SLCO1A2: variants seen among roughly 807,000 people sequenced by gnomAD.
SLCO1A2 encodes OATP-1.
Under a neutral mutation model 69.0 loss-of-function variants are expected in SLCO1A2, and 67 were observed. That is an observed-to-expected ratio of 0.97 (90% CI 0.80 to 1.19). The LOEUF is 1.19. Among genes scored for constraint, SLCO1A2 ranks in the 50% most tolerant of loss-of-function variants. The pLI is 0.00. For missense variants in SLCO1A2, 787 were observed against 793.7 expected (o/e 0.99, Z 0.10); for synonymous variants, 260 against 265.9 (o/e 0.98, Z 0.22).
At chr12:21,386,067 T>A (rs575549538) in intron 1 of SLCO1A2, among the ~76,000 whole-genome samples, 4 of 152,312 alleles carry the variant, frequency 2.6e-5, no homozygotes, top group African/African-American at 9.6e-5. Context: ...AACTTTCATA[T>A]TGAAGTAAAA....
chr12:21,401,917 T>C (rs967052743), intron 1 of SLCO1A2, among the ~76,000 whole-genome samples: 10 of 151,496 alleles, frequency 6.6e-5, no homozygotes, highest in African/African-American at 2.2e-4. Context: ...ATAATAAATA[T>C]ATAATAGCTC....
At chr12:21,372,767 T>A (rs1215270738) in intron 2 of SLCO1A2, 2 of 156,064 alleles carry the variant, frequency 1.3e-5, no homozygotes, top group Non-Finnish European at 2.8e-5. Context: ...TAATGACCCA[T>A]CCGCTTCTGC....
At chr12:21,336,024 A>AG (rs1430982200), upstream of SLCO1A2, among the ~76,000 whole-genome samples, 2 of 152,106 alleles carry the variant, frequency 1.3e-5, no homozygotes, top group Non-Finnish European at 2.9e-5. Flanking sequence ...AGAACCAGAC[A>AG]GTGTAGAAGG....
At chr12:21,366,047 G>A (rs528918460) in intron 2 of SLCO1A2, among the ~76,000 whole-genome samples, 3 of 152,278 alleles carry the variant, frequency 2.0e-5, no homozygotes, top group African/African-American at 7.2e-5. Flanking sequence ...TCCCATTACT[G>A]GGCATATACC....
At chr12:21,395,921 G>GA (rs1941436085), upstream of SLCO1A2, among the ~76,000 whole-genome samples, 1 of 150,808 alleles carries the variant, frequency 6.6e-6, no homozygotes, top group South Asian at 2.1e-4. Context: ...CAAAGATGGG[G>GA]AAAAAACAGA....
chr12:21,401,353 C>T (rs577471324), intron 1 of SLCO1A2, among the ~76,000 whole-genome samples: 1 of 151,454 alleles, frequency 6.6e-6, no homozygotes, highest in African/African-American at 2.4e-5. Context: ...AAATATCATT[C>T]ACAATAACAA....
Position 21,265,923 on chromosome 12 carries a change from A to C in SLCO1A2, c.*3625T>G, listed in dbSNP as rs891661103. ...AAATCATACTCTTTTAACATCTACA[A>C]CCTCTTCTACCAGGAGCTGTCTCTG... On this transcript the variant is annotated 3_prime_UTR_variant, in exon 15 of 15. Coordinates refer to ENST00000683939, the MANE Select transcript of SLCO1A2 (RefSeq NM_001386879.1). 1 of 151,868 alleles carries C rather than the reference A, an allele frequency of 6.6e-6. No individual in the cohort carries two copies. Among genetic ancestry groups the C allele is most frequent in the Non-Finnish European group, 1.5e-5 (1 of 67,976 alleles). 9.4% of individuals were successfully genotyped at this position (151,868 alleles called of 1,614,324 possible).
chr12:21,316,842 T>C (rs1298912202), intron 3 of SLCO1A2, among the ~76,000 whole-genome samples: 1 of 152,226 alleles, frequency 6.6e-6, no homozygotes, highest in East Asian at 1.9e-4. Flanking sequence ...CAGACTCACA[T>C]GACTGCAATG....
At chr12:21,371,037 G>T (rs1170715193) in intron 2 of SLCO1A2, among the ~76,000 whole-genome samples, 1 of 152,244 alleles carries the variant, frequency 6.6e-6, no homozygotes, top group Non-Finnish European at 1.5e-5. Context: ...CCCATATGCA[G>T]AGAGTAGCAG....
At chr12:21,373,537 T>C in intron 2 of SLCO1A2, 1 of 806,556 alleles carries the variant, frequency 1.2e-6, no homozygotes. Context: ...GACTATATCA[T>C]ACTTAAGAAC....
chr12:21,332,409 C>T (rs554281598), intron 2 of SLCO1A2, among the ~76,000 whole-genome samples: 50 of 152,138 alleles, frequency 3.3e-4, no homozygotes, highest in African/African-American at 9.4e-4. Flanking sequence ...CCTCTAGATA[C>T]GCAGGCTTCA....
intron 8 of SLCO1A2, among the ~76,000 whole-genome samples, chr12:21,298,558 C>T (rs930386642): frequency 1.3e-5 from 2 of 152,134 alleles, no homozygotes; most frequent in African/African-American, 2.4e-5. Flanking sequence ...GGAGGACACA[C>T]AGATTAATGC....
At chr12:21,372,003 C>G in intron 2 of SLCO1A2, among the ~76,000 whole-genome samples, 1 of 122,536 alleles carries the variant, frequency 8.2e-6, no homozygotes, top group East Asian at 2.3e-4. Flanking sequence ...AACTTCATCT[C>G]AAAAAAAAAG....
At chr12:21,404,227 ATTTAT>A (rs368900889) in intron 1 of SLCO1A2, among the ~76,000 whole-genome samples, 30 of 152,052 alleles carry the variant, frequency 2.0e-4, no homozygotes, top group South Asian at 1.5e-3. Context: ...AGTTGGATTT[ATTTAT>A]TTTATTTTAT....
At chr12:21,336,751 G>A (rs769815775), upstream of SLCO1A2, among the ~76,000 whole-genome samples, 20 of 151,894 alleles carry the variant, frequency 1.3e-4, no homozygotes, top group Non-Finnish European at 2.1e-4. Flanking sequence ...TCCGTGTGCC[G>A]TCTTTTCATC....
intron 2 of SLCO1A2, among the ~76,000 whole-genome samples, chr12:21,328,029 C>T (rs1329116742): frequency 1.3e-5 from 2 of 152,034 alleles, no homozygotes; most frequent in Non-Finnish European, 2.9e-5. Context: ...CTGTGTTTTT[C>T]TCATGATAGT....
intron 1 of SLCO1A2, among the ~76,000 whole-genome samples, chr12:21,386,467 G>T (rs986356700): frequency 2.6e-5 from 4 of 152,002 alleles, no homozygotes; most frequent in Non-Finnish European, 4.4e-5. Context: ...ATGGAGGTGG[G>T]TTATTCCCAC....
chr12:21,416,356 GCACACACACA>G (rs3061424), intron 1 of SLCO1A2, among the ~76,000 whole-genome samples: 4 of 146,992 alleles, frequency 2.7e-5, no homozygotes, highest in Non-Finnish European at 4.5e-5. Context: ...AGAATCTCGG[GCACACACACA>G]CACACACACA....
At chr12:21,279,092 A>T (rs1356361485) in intron 12 of SLCO1A2, among the ~76,000 whole-genome samples, 1 of 152,076 alleles carries the variant, frequency 6.6e-6, no homozygotes, top group African/African-American at 2.4e-5. Context: ...TCTTAATAGC[A>T]GAATTTATCA....
Sources: gnomAD v4.1 joint callset for allele counts (sites outside exome capture counted in the v4.1 genomes callset) on GRCh38, gnomAD v4.1.1 for gene constraint, MANE v1.5 for transcripts, NCBI Gene and HGNC (gene_info 2026-07-23, HGNC 2026-07-21) for gene names.